The following TBL1X variants were observed in gnomAD, a reference collection of about 807,000 sequenced individuals.
TBL1X encodes transducin beta like 1 X-linked, also known as F-box-like/WD repeat-containing protein TBL1X.
In TBL1X, 10 loss-of-function variants were observed where a neutral mutation model predicts 50.7. The ratio of observed to expected loss-of-function variants is 0.20; its 90% CI spans 0.12 to 0.33. The LOEUF (loss-of-function observed/expected upper bound fraction) is 0.33. TBL1X is among the 10% of genes least tolerant of loss of function. The pLI is 1.00. For synonymous variants in TBL1X, 190 were observed against 214.7 expected (o/e 0.88, Z 1.01); for missense variants, 340 against 504.4 (o/e 0.67, Z 3.12).
intron 2 of TBL1X, among the ~76,000 whole-genome samples, chrX:9,565,007 A>C (rs2082342667): frequency 9.0e-6 from 1 of 110,643 alleles, no homozygotes; most frequent in South Asian, 3.8e-4. Flanking sequence ...GCGGTGGCTC[A>C]CGCCTGTAAT....
At chrX:9,687,990 C>A (rs775113334) in intron 6 of TBL1X, 27 bp from the exon 7 acceptor site, 15 of 1,189,364 alleles carry the variant, frequency 1.3e-5, no homozygotes, top group Admixed American at 6.8e-5. Flanking sequence ...CGTGAGCTGA[C>A]AGCTGTACCT....
chrX:9,553,048 T>C (rs1246843599), intron 2 of TBL1X, among the ~76,000 whole-genome samples: 3 of 110,397 alleles, frequency 2.7e-5, no homozygotes, highest in Non-Finnish European at 5.7e-5. Flanking sequence ...GATGCTGAGG[T>C]GGGAGGATTA....
intron 1 of TBL1X, among the ~76,000 whole-genome samples, chrX:9,479,563 A>G (rs2081868424): frequency 8.9e-6 from 1 of 112,906 alleles, no homozygotes; most frequent in East Asian, 2.8e-4. Context: ...AAATAAGGAC[A>G]GTTTAAAGAT....
rs1044068207 is a variant in TBL1X at position 9,709,722 on chromosome X, C to T, written c.1401C>T (p.Pro467=). ...IYTIKWSPTG[P]ATSNPNSNIM... ...CCATCAAGTGGAGCCCCACTGGGCC[C>T]GCCACCAGCAACCCAAACTCCAACA... Residue 467 remains proline (P), a synonymous_variant, in exon 15 of 18, where the codon CCC becomes CCT. Coordinates refer to ENST00000645353, the MANE Select transcript of TBL1X (RefSeq NM_005647.4). 11 of 1,208,176 alleles carry T rather than the reference C, an allele frequency of 9.1e-6. No individual in the cohort carries two copies. Among genetic ancestry groups the T allele is most frequent in the East Asian group, 5.9e-5 (2 of 33,720 alleles).
intron 2 of TBL1X, among the ~76,000 whole-genome samples, chrX:9,555,539 T>C (rs1323871639): frequency 8.9e-6 from 1 of 111,840 alleles, no homozygotes; most frequent in Non-Finnish European, 1.9e-5. Flanking sequence ...CATATGCTTT[T>C]ATTCCTCTGG....
rs766496263 is a variant in TBL1X at position 9,634,419 on chromosome X, A to G, written c.-130-5854A>G. 4.2e-4 allele frequency among the ~76,000 whole-genome samples: 47 copies of G among 112,039 alleles called. 1 individual carries two copies. The East Asian group carries it at 9.2e-3, about 22-fold the overall frequency. On this transcript the variant is annotated intron_variant, in intron 2 of 17. Transcript: ENST00000645353. ...TAGAAGCACTTATGGTACTAAGCAC[A>G]TTAAATATTTAAAATTATTAATTAG...
rs1403445571 is a variant in TBL1X at position 9,676,431 on chromosome X, C to T, written c.212-7612C>T. On this transcript the variant is annotated intron_variant, in intron 5 of 17. Transcript: ENST00000645353. ...GAGTAATGCTTTTCCCTCCTGGATGCTCCCCACATCTAGAGGATATGAAAA... is the reference window on the plus strand; with the variant it reads ...GAGTAATGCTTTTCCCTCCTGGATGTTCCCCACATCTAGAGGATATGAAAA... Among the ~76,000 whole-genome samples, 4 of 112,465 alleles carry T rather than the reference C, an allele frequency of 3.6e-5. No homozygotes were observed. The East Asian group carries it at 1.1e-3, about 31-fold the overall frequency.
At chrX:9,603,418 G>C (rs1218393146) in intron 2 of TBL1X, among the ~76,000 whole-genome samples, 1 of 112,725 alleles carries the variant, frequency 8.9e-6, no homozygotes, top group Non-Finnish European at 1.9e-5. Context: ...TGCATACACA[G>C]ATGTACTTAT....
chrX:9,552,216 G>A (rs2082274356), intron 2 of TBL1X, among the ~76,000 whole-genome samples: 1 of 111,461 alleles, frequency 9.0e-6, no homozygotes, highest in Non-Finnish European at 1.9e-5. Context: ...AGGTGGCCGC[G>A]TAGGCATTGA....
chrX:9,695,069 A>C (rs1013446947), intron 11 of TBL1X, among the ~76,000 whole-genome samples: 10 of 112,835 alleles, frequency 8.9e-5, no homozygotes, highest in Admixed American at 8.4e-4. Context: ...TGAATTTGGC[A>C]AACTGTGGCC....
chrX:9,597,386 A>T (rs1206799946), intron 2 of TBL1X, among the ~76,000 whole-genome samples: 1 of 111,909 alleles, frequency 8.9e-6, no homozygotes, highest in Non-Finnish European at 1.9e-5. Context: ...CTGTTTCAGA[A>T]GACTCAAGTC....
chrX:9,513,605 G>A (rs993634791), intron 2 of TBL1X, among the ~76,000 whole-genome samples: 1 of 111,564 alleles, frequency 9.0e-6, no homozygotes, highest in African/African-American at 3.3e-5. Flanking sequence ...CCCTGGACTA[G>A]TGTTTCTCAC....
At chrX:9,508,604 T>C (rs188879888) in intron 2 of TBL1X, among the ~76,000 whole-genome samples, 1 of 112,207 alleles carries the variant, frequency 8.9e-6, no homozygotes, top group African/African-American at 3.2e-5. Context: ...CCCAAAGTAA[T>C]GTAAATCATT....
At chrX:9,534,606 C>T (rs1168661581) in intron 2 of TBL1X, among the ~76,000 whole-genome samples, 3 of 110,992 alleles carry the variant, frequency 2.7e-5, no homozygotes, top group African/African-American at 9.8e-5. Flanking sequence ...TTCCTTTTCT[C>T]GTTTTTCACT....
chrX:9,464,882 C>T (rs2146915447), upstream of TBL1X: 1 of 105,940 alleles, frequency 9.4e-6, no homozygotes, highest in African/African-American at 3.4e-5. Context: ...CTAGGAGCCG[C>T]GGGGGAGGGG....
At chrX:9,478,430 A>G (rs887521681) in intron 1 of TBL1X, among the ~76,000 whole-genome samples, 1 of 112,013 alleles carries the variant, frequency 8.9e-6, no homozygotes, top group Admixed American at 9.5e-5. Context: ...TGCAAAAATT[A>G]TATCAATGAG....
chrX:9,552,445 T>C (rs2082275358), intron 2 of TBL1X, among the ~76,000 whole-genome samples: 2 of 111,632 alleles, frequency 1.8e-5, no homozygotes, highest in Non-Finnish European at 3.8e-5. Flanking sequence ...CACTGACGCT[T>C]GATTCTTTGT....
intron 1 of TBL1X, among the ~76,000 whole-genome samples, chrX:9,468,378 A>G (rs145432576): frequency 3.6e-4 from 40 of 112,373 alleles, no homozygotes; most frequent in Non-Finnish European, 3.4e-4. Context: ...GCATTTGCCA[A>G]TGTCTGGAGA....
chrX:9,547,278 A>G (rs1487289058), intron 2 of TBL1X, among the ~76,000 whole-genome samples: 2 of 110,273 alleles, frequency 1.8e-5, no homozygotes, highest in South Asian at 3.9e-4. Context: ...TTCTTTTGTT[A>G]TGCTCCTCTA....
Sources: allele counts gnomAD v4.1 joint callset (sites outside exome capture counted in the v4.1 genomes callset), GRCh38; gene constraint gnomAD v4.1.1; transcripts MANE v1.5; gene names NCBI Gene and HGNC (gene_info 2026-07-23, HGNC 2026-07-21).